IMMP2L: variants seen among roughly 807,000 people sequenced by gnomAD.
The protein encoded by IMMP2L is mitochondrial inner membrane protease subunit 2.
A neutral mutation model predicts 19.3 loss-of-function variants in IMMP2L; 18 were observed. That is an observed-to-expected ratio of 0.93 (90% CI 0.64 to 1.38). The LOEUF is 1.38. IMMP2L is among the 40% of genes most tolerant of loss of function. The pLI, the probability that IMMP2L is intolerant of heterozygous loss-of-function variation, is 0.00. For synonymous variants in IMMP2L, 76 were observed against 73.0 expected (o/e 1.04, Z -0.21); for missense variants, 233 against 218.2 (o/e 1.07, Z -0.43).
chr7:111,088,221 A>G (rs555183578), intron 3 of IMMP2L, among the ~76,000 whole-genome samples: 1 of 152,208 alleles, frequency 6.6e-6, no homozygotes, highest in Admixed American at 6.5e-5. Context: ...TGTACCCAAT[A>G]TTTTCTTATT....
intron 3 of IMMP2L, among the ~76,000 whole-genome samples, chr7:111,071,905 AT>A (rs1364510687): frequency 2.6e-5 from 4 of 152,194 alleles, no homozygotes; most frequent in African/African-American, 9.6e-5. Context: ...TTTCACTTCA[AT>A]TTTTTTTAAG....
At chr7:111,312,757 T>C (rs969679654) in intron 3 of IMMP2L, among the ~76,000 whole-genome samples, 1 of 152,158 alleles carries the variant, frequency 6.6e-6, no homozygotes, top group Non-Finnish European at 1.5e-5. Flanking sequence ...GGCAATGATA[T>C]ACTATTGTGT....
chr7:111,000,489 T>C (rs962463080), intron 3 of IMMP2L, among the ~76,000 whole-genome samples: 6 of 152,198 alleles, frequency 3.9e-5, no homozygotes, highest in African/African-American at 1.4e-4. Context: ...GGACTTCATT[T>C]TGAAAATACC....
intron 2 of IMMP2L, among the ~76,000 whole-genome samples, chr7:111,507,502 G>GTAAAGTAA (rs1845035538): frequency 6.6e-6 from 1 of 151,968 alleles, no homozygotes; most frequent in African/African-American, 2.4e-5. Flanking sequence ...ATTCCAGTCC[G>GTAAAGTAA]CAGTAACAGA....
chr7:111,547,753 C>T (rs1014106901), intron 1 of IMMP2L, among the ~76,000 whole-genome samples: 2 of 149,782 alleles, frequency 1.3e-5, no homozygotes, highest in African/African-American at 4.9e-5. Flanking sequence ...CAGGGTCTCA[C>T]TGTGTTGCCC....
intron 3 of IMMP2L, among the ~76,000 whole-genome samples, chr7:110,983,876 A>AT (rs1821567976): frequency 6.6e-6 from 1 of 151,874 alleles, no homozygotes; most frequent in South Asian, 2.1e-4. Flanking sequence ...AGCTCTGTAG[A>AT]TTTTCATCTT....
At chr7:110,842,612 C>A (rs1805206630) in intron 5 of IMMP2L, among the ~76,000 whole-genome samples, 1 of 152,062 alleles carries the variant, frequency 6.6e-6, no homozygotes, top group African/African-American at 2.4e-5. Flanking sequence ...TGTGAGAGGT[C>A]AGGAAGACAA....
In IMMP2L at chr7:110,797,610, G is replaced by A. The variant is rs536472860; in HGVS notation, c.408+88983C>T. 1.2e-3 allele frequency among the ~76,000 whole-genome samples: 189 copies of A among 152,098 alleles called. 1 individual carries two copies. The highest frequency in any genetic ancestry group is 3.4e-3 in the Middle Eastern group (1 of 294). ...TGCCACAGCAAGTTCGTGCTTGTAA[G>A]TGTGAGCACACTGGGTACTAGTATA... On this transcript the variant is annotated intron_variant, in intron 5 of 5. Coordinates refer to ENST00000405709, the MANE Select transcript of IMMP2L (RefSeq NM_032549.4).
intron 3 of IMMP2L, among the ~76,000 whole-genome samples, chr7:111,194,645 A>G (rs1809278018): frequency 6.6e-6 from 1 of 152,210 alleles, no homozygotes; most frequent in South Asian, 2.1e-4. Context: ...ATGTCTTCAC[A>G]GTCAAATATA....
At chr7:111,176,590 A>C (rs1013752464) in intron 3 of IMMP2L, among the ~76,000 whole-genome samples, 10 of 152,138 alleles carry the variant, frequency 6.6e-5, no homozygotes, top group African/African-American at 2.4e-4. Flanking sequence ...ACTCATGGAG[A>C]TAGAGAGAAG....
chr7:111,374,677 T>C (rs1224198004), intron 3 of IMMP2L, among the ~76,000 whole-genome samples: 5 of 152,056 alleles, frequency 3.3e-5, no homozygotes, highest in African/African-American at 1.2e-4. Flanking sequence ...ACAAGTAAAA[T>C]GGCTTTGGCC....
chr7:111,051,543 G>A (rs1035899218), intron 3 of IMMP2L, among the ~76,000 whole-genome samples: 1 of 152,084 alleles, frequency 6.6e-6, no homozygotes, highest in African/African-American at 2.4e-5. Context: ...GCTTATGTCA[G>A]TTCAAAAATT....
At chr7:111,539,214 GAAA>G (rs1563331004) in intron 1 of IMMP2L, among the ~76,000 whole-genome samples, 8 of 94,928 alleles carry the variant, frequency 8.4e-5, no homozygotes, top group African/African-American at 3.6e-4. Context: ...AAGAAAGAAA[GAAA>G]GAAAGAAAGA....
chr7:111,434,526 G>C (rs1460259400), intron 3 of IMMP2L, among the ~76,000 whole-genome samples: 1 of 149,894 alleles, frequency 6.7e-6, no homozygotes. Context: ...TTGTTTTTTT[G>C]TCTTGTTTGT....
intron 3 of IMMP2L, chr7:111,395,025 C>A: frequency 4.3e-6 from 1 of 235,180 alleles, no homozygotes; most frequent in South Asian, 8.1e-5. Flanking sequence ...CTGTTCGCCA[C>A]CTGATGAGTA....
chr7:110,730,942 G>C (rs967814304), intron 5 of IMMP2L, among the ~76,000 whole-genome samples: 2 of 152,094 alleles, frequency 1.3e-5, no homozygotes, highest in Non-Finnish European at 2.9e-5. Context: ...TATCCTATTA[G>C]TTCTGTCCCT....
At chr7:111,481,598 GTT>G (rs544344184) in intron 3 of IMMP2L, among the ~76,000 whole-genome samples, 9 of 145,876 alleles carry the variant, frequency 6.2e-5, no homozygotes, top group African/African-American at 2.2e-4. Context: ...AAAATATTAT[GTT>G]TTTTTTTTTT....
intron 5 of IMMP2L, among the ~76,000 whole-genome samples, chr7:110,881,815 T>TA (rs35376408): frequency 0.12 from 18,726 of 152,260 alleles, 2,085 homozygotes; most frequent in African/African-American, 0.29. Flanking sequence ...ACTCTAGGCA[T>TA]AAATCACTTC....
chr7:111,446,047 G>A (rs1292504874), intron 3 of IMMP2L, among the ~76,000 whole-genome samples: 4 of 152,062 alleles, frequency 2.6e-5, no homozygotes, highest in African/African-American at 9.7e-5. Flanking sequence ...ACCTGGCTCG[G>A]AGGGTCCTAC....
Sources: gnomAD v4.1 joint callset for allele counts (sites outside exome capture counted in the v4.1 genomes callset) on GRCh38, gnomAD v4.1.1 for gene constraint, MANE v1.5 for transcripts, NCBI Gene and HGNC (gene_info 2026-07-23, HGNC 2026-07-21) for gene names.